The following ANTXR1 variants were observed in gnomAD, a reference collection of about 807,000 sequenced individuals.
ANTXR1 encodes ANTXR cell adhesion molecule 1, also known as anthrax toxin receptor 1.
ANTXR1 carries 19 observed loss-of-function variants against 78.1 expected under a neutral mutation model. The ratio of observed to expected loss-of-function variants is 0.24; its 90% CI spans 0.17 to 0.36. The LOEUF (loss-of-function observed/expected upper bound fraction) is 0.36, where lower values mean the gene tolerates loss of function less well. Among genes scored for constraint, ANTXR1 ranks in the 10% least tolerant of loss-of-function variants. The pLI is 1.00. For missense variants in ANTXR1, 518 were observed against 718.6 expected (o/e 0.72, Z 3.19); for synonymous variants, 273 against 260.5 (o/e 1.05, Z -0.46).
At chr2:69,154,442 A>G (rs146540067) in intron 13 of ANTXR1, among the ~76,000 whole-genome samples, 52 of 152,316 alleles carry the variant, frequency 3.4e-4, no homozygotes, top group Admixed American at 1.2e-3. Flanking sequence ...GCTCCAGAGC[A>G]GGGCAGATTA....
In ANTXR1 at chr2:69,013,495, G is replaced by A. The variant is rs1437481632; in HGVS notation, c.-5G>A. ...GCGGACCCTGCTCTCCCCGGGCTGC[G>A]GGCCATGGCCACGGCGGAGCGGAGA... On this transcript the variant is annotated 5_prime_UTR_variant, in exon 1 of 18. Transcript: ENST00000303714. This position sits in a 1 kb window ranked among gnomAD's most constrained non-coding sequence, Gnocchi z 5.0. 5.0e-6 allele frequency: 8 copies of A among 1,588,356 alleles called. No individual in the cohort carries two copies. The African/African-American group carries it at 8.0e-5, about 16-fold the overall frequency.
chr2:69,088,447 G>A (rs1383155198), intron 8 of ANTXR1, among the ~76,000 whole-genome samples: 1 of 152,300 alleles, frequency 6.6e-6, no homozygotes, highest in Admixed American at 6.5e-5. Flanking sequence ...AAACAGCTTT[G>A]TGTTGTTCTA....
At chr2:69,199,032 C>T (rs1674718232) in intron 17 of ANTXR1, among the ~76,000 whole-genome samples, 1 of 152,198 alleles carries the variant, frequency 6.6e-6, no homozygotes, top group African/African-American at 2.4e-5. Context: ...CAAGTTTCAA[C>T]AACACAACGG....
intron 7 of ANTXR1, 55 bp downstream of exon 7, chr2:69,075,713 G>C: frequency 6.6e-7 from 1 of 1,505,824 alleles, no homozygotes; most frequent in Non-Finnish European, 9.2e-7. Flanking sequence ...GAATCATGAA[G>C]AACATGTTCA....
chr2:69,123,389 A>G (rs1481070737), intron 11 of ANTXR1, among the ~76,000 whole-genome samples: 1 of 152,236 alleles, frequency 6.6e-6, no homozygotes, highest in South Asian at 2.1e-4. Context: ...TGAGTGGAAG[A>G]GCTGGGCTCA....
At chr2:69,047,540 A>G (rs2104102756) in intron 3 of ANTXR1, among the ~76,000 whole-genome samples, 1 of 152,026 alleles carries the variant, frequency 6.6e-6, no homozygotes, top group South Asian at 2.1e-4. Context: ...TTGTGTGGGC[A>G]TGGTTTTCCT....
rs1159790329 is a variant in ANTXR1, at chr2:69,210,935, CAAAAAAAA to C, written c.1434+17534_1434+17541del. Among the ~76,000 whole-genome samples, 7 of 43,528 alleles carry C rather than the reference CAAAAAAAA, an allele frequency of 1.6e-4. No homozygotes were observed. The South Asian group carries it at 6.1e-3, about 38-fold the overall frequency. The allele number at this position is 43,528 out of a possible 152,430, so 28.6% of individuals were successfully genotyped here. On this transcript the variant is annotated intron_variant, in intron 17 of 17. Coordinates refer to ENST00000303714, the MANE Select transcript of ANTXR1 (RefSeq NM_032208.3). ...TGGGCGACAGAGTGAGACTCCATCA[CAAAAAAAA>C]AAAAAAAAAAAAAGAACCAGATGGT...
rs564903015 is a variant in ANTXR1 at position 69,061,974 on chromosome 2, G to A, written c.297-8673G>A. ...GACAAAATAAAATTCATATGTTTCC[G>A]TGAGGCTAGTAGAGATGCAGGAAGC... On this transcript the variant is annotated intron_variant, in intron 3 of 17. Transcript: ENST00000303714. Among the ~76,000 whole-genome samples the A allele has an allele frequency of 7.9e-5, 12 of 152,286 alleles. No individual in the cohort carries two copies. The East Asian group carries it at 9.6e-4, about 12-fold the overall frequency.
chr2:69,033,599 G>C (rs925333493), intron 1 of ANTXR1, among the ~76,000 whole-genome samples: 1 of 152,176 alleles, frequency 6.6e-6, no homozygotes, highest in Non-Finnish European at 1.5e-5. Context: ...ACTTACATGC[G>C]CCTGAAGCTG....
At chr2:69,236,976 C>CT (rs905095757) in intron 17 of ANTXR1, among the ~76,000 whole-genome samples, 6 of 152,106 alleles carry the variant, frequency 3.9e-5, no homozygotes, top group Admixed American at 3.3e-4. Context: ...TTCTCCCTTC[C>CT]TTTTTTTGTG....
intron 12 of ANTXR1, among the ~76,000 whole-genome samples, chr2:69,126,905 T>G (rs1672558655): frequency 6.6e-6 from 1 of 152,222 alleles, no homozygotes; most frequent in Non-Finnish European, 1.5e-5. Flanking sequence ...TCATAATATA[T>G]TCTGCATTAT....
At chr2:69,089,582 C>G (rs1356022562) in intron 8 of ANTXR1, among the ~76,000 whole-genome samples, 1 of 152,172 alleles carries the variant, frequency 6.6e-6, no homozygotes, top group Non-Finnish European at 1.5e-5. Flanking sequence ...TTAGTCAGCC[C>G]CACATTTTCA....
At chr2:69,143,152 C>A (rs1673117116) in intron 12 of ANTXR1, among the ~76,000 whole-genome samples, 1 of 152,092 alleles carries the variant, frequency 6.6e-6, no homozygotes, top group East Asian at 1.9e-4. Context: ...AGATGGAATT[C>A]CTGGCAGTAA....
intron 12 of ANTXR1, chr2:69,145,613 A>C (rs1673201902): frequency 7.5e-7 from 1 of 1,333,210 alleles, no homozygotes; most frequent in Non-Finnish European, 9.6e-7. Flanking sequence ...TTGGCTACAT[A>C]ATCACTCCAT....
chr2:69,150,910 G>A (rs1178945237), intron 12 of ANTXR1, among the ~76,000 whole-genome samples: 1 of 152,036 alleles, frequency 6.6e-6, no homozygotes, highest in Admixed American at 6.5e-5. Flanking sequence ...TGCAGTCTCA[G>A]CTACCCAGGA....
At chr2:69,141,504 A>G (rs544944212) in intron 12 of ANTXR1, among the ~76,000 whole-genome samples, 9 of 151,850 alleles carry the variant, frequency 5.9e-5, no homozygotes, top group Non-Finnish European at 1.2e-4. Flanking sequence ...GCAAGTCAAC[A>G]AGCAGTACCT....
At chr2:69,044,316 G>T (rs932322567) in intron 2 of ANTXR1, among the ~76,000 whole-genome samples, 1 of 152,034 alleles carries the variant, frequency 6.6e-6, no homozygotes, top group Admixed American at 6.6e-5. Flanking sequence ...ATAGCTGATG[G>T]CATCAAGCTG....
intron 13 of ANTXR1, among the ~76,000 whole-genome samples, chr2:69,169,837 A>G (rs939161613): frequency 9.2e-5 from 14 of 152,252 alleles, no homozygotes; most frequent in Admixed American, 2.0e-4. Context: ...CTAAAGCACC[A>G]TGTTAACTTC....
intron 8 of ANTXR1, among the ~76,000 whole-genome samples, chr2:69,086,609 T>C (rs1270273666): frequency 6.6e-6 from 1 of 152,274 alleles, no homozygotes; most frequent in Non-Finnish European, 1.5e-5. Flanking sequence ...GGTTCAGCTT[T>C]TGTCAGCAAA....
Sources: gnomAD v4.1 joint callset for allele counts (sites outside exome capture counted in the v4.1 genomes callset) on GRCh38, gnomAD v4.1.1 for gene constraint, Gnocchi (gnomAD v3.1) non-coding constraint, MANE v1.5 for transcripts, NCBI Gene and HGNC (gene_info 2026-07-23, HGNC 2026-07-21) for gene names.